The following TARBP1 variants were observed in gnomAD, a reference collection of about 807,000 sequenced individuals.
TARBP1 encodes tRNA guanosine 2 -O-methyltransferase TARBP1.
A neutral mutation model predicts 178.6 loss-of-function variants in TARBP1; 144 were observed. That is an observed-to-expected ratio of 0.81 (90% CI 0.70 to 0.93). The LOEUF is 0.93. TARBP1 is among the 40% of genes least tolerant of loss of function. The pLI, the probability that TARBP1 is intolerant of heterozygous loss-of-function variation, is 0.00. For missense variants in TARBP1, 2,067 were observed against 2,011.7 expected, an observed-to-expected ratio of 1.03 and a Z score of -0.53; for synonymous variants, 787 against 781.0, an observed-to-expected ratio of 1.01 and a Z score of -0.13.
intron 22 of TARBP1, among the ~76,000 whole-genome samples, chr1:234,415,909 T>C (rs1662365035): frequency 6.6e-6 from 1 of 152,210 alleles, no homozygotes; most frequent in South Asian, 2.1e-4. Flanking sequence ...TACTCCCCTC[T>C]TCCCCACTAC....
chr1:234,465,595 G>T, intron 5 of TARBP1, 61 bp downstream of exon 5: 1 of 1,426,716 alleles, frequency 7.0e-7, no homozygotes, highest in Non-Finnish European at 9.4e-7. Flanking sequence ...GAAACAATCT[G>T]GTCATGTCTC....
At chr1:234,466,536 T>C (rs369364016) in intron 4 of TARBP1, among the ~76,000 whole-genome samples, 1 of 147,728 alleles carries the variant, frequency 6.8e-6, no homozygotes, top group African/African-American at 2.5e-5. Flanking sequence ...TATATCACTA[T>C]CTGAGAAATA....
At chr1:234,396,757 T>C (rs759593034) in intron 26 of TARBP1, among the ~76,000 whole-genome samples, 10 of 151,876 alleles carry the variant, frequency 6.6e-5, no homozygotes, top group South Asian at 2.1e-4. Flanking sequence ...AGACCCATAA[T>C]TGGCCTTTAA....
chr1:234,478,857 C>A lies in TARBP1; in HGVS notation c.247G>T (p.Gly83Cys). 7.9e-7 allele frequency: 1 copy of A among 1,265,162 alleles called. No individual in the cohort carries two copies. The highest frequency in any genetic ancestry group is 9.9e-7 in the Non-Finnish European group (1 of 1,009,622). 78.4% of individuals were successfully genotyped at this position (1,265,162 alleles called of 1,614,324 possible). ...CGAGGCTGCAGACTGGGGTCCGGGC[C>A]GCCCGCGGGGCGTCCGCGCAGGCTC... ...LRSLRGRPAGGPDPSLQPRHR... is the reference protein window; with the variant it reads ...LRSLRGRPAGCPDPSLQPRHR... The change falls in exon 1 of 30, where the codon GGC (glycine) becomes TGC (cysteine). Residue 83 changes from glycine to cysteine, a missense_variant. By Grantham distance (159) the Gly-to-Cys change is radical. Transcript: ENST00000040877.
chr1:234,479,031 G>C lies in TARBP1; in HGVS notation c.73C>G (p.Gln25Glu), dbSNP rs746141862. 7 of 1,534,000 alleles carry C rather than the reference G, an allele frequency of 4.6e-6. No individual in the cohort carries two copies. The East Asian group carries it at 1.6e-4, about 35-fold the overall frequency. The change falls in exon 1 of 30, where the codon CAA (glutamine) becomes GAA (glutamate). Residue 25 changes from glutamine to glutamate, a missense_variant. Physicochemically the swap from Gln to Glu is conservative, Grantham distance 29. Coordinates refer to ENST00000040877, the MANE Select transcript of TARBP1 (RefSeq NM_005646.4). ...ACGCGCTCCGCGGATGCCTCCCCTT[G>C]GCACAGCGCCCCAAGCAGGGCCCGG... Reference protein sequence around the residue: ...DPRALLGALCQGEASAERVET... With the variant: ...DPRALLGALCEGEASAERVET...
chr1:234,427,641 A>G lies in TARBP1; in HGVS notation c.3186T>C (p.Ala1062=). The G allele has an allele frequency of 6.3e-7, 1 of 1,598,720 alleles. No homozygotes were observed. Among genetic ancestry groups the G allele is most frequent in the Non-Finnish European group, 8.5e-7 (1 of 1,175,976 alleles). The change falls in exon 18 of 30, where the codon GCT becomes GCC. Residue 1062 remains alanine, a synonymous_variant. Transcript: ENST00000040877. ...SNVSQGSLSS[A]KNYSELILEA... The stretch of plus-strand genomic sequence containing the variant: ...CAAGGATAAGTTCGCTATAATTTTT[A>G]GCACTTGATAAAGATCCTTGGGACA...
intron 12 of TARBP1, among the ~76,000 whole-genome samples, chr1:234,440,635 A>G (rs1002837488): frequency 2.6e-5 from 4 of 152,194 alleles, no homozygotes; most frequent in African/African-American, 9.6e-5. Flanking sequence ...TACAAAGAAA[A>G]TCCCAAGGAA....
At chr1:234,406,420 G>A (rs1661252993) in intron 23 of TARBP1, 1 of 221,854 alleles carries the variant, frequency 4.5e-6, no homozygotes, top group African/African-American at 2.3e-5. Context: ...CAACCAAAAT[G>A]TTTTTCAAAT....
chr1:234,401,991 T>A (rs533335731), intron 24 of TARBP1, among the ~76,000 whole-genome samples: 12 of 152,302 alleles, frequency 7.9e-5, no homozygotes, highest in African/African-American at 2.6e-4. Flanking sequence ...CCGCAACAGA[T>A]CCCATTCCCC....
At chr1:234,402,621 C>T (rs1272856924) in intron 24 of TARBP1, among the ~76,000 whole-genome samples, 2 of 151,894 alleles carry the variant, frequency 1.3e-5, no homozygotes, top group Admixed American at 6.6e-5. Context: ...GGTTGCCAGG[C>T]TGGAGTGCAG....
chr1:234,474,361 G>C (rs994926327), intron 1 of TARBP1, among the ~76,000 whole-genome samples: 2 of 148,808 alleles, frequency 1.3e-5, no homozygotes, highest in African/African-American at 2.5e-5. Flanking sequence ...ATGCTTTCAA[G>C]AAAGTCCAGG....
intron 11 of TARBP1, 88 bp downstream of exon 11, chr1:234,448,392 G>A (rs1057513309): frequency 3.7e-5 from 42 of 1,147,814 alleles, no homozygotes; most frequent in Middle Eastern, 3.9e-4. Flanking sequence ...GGTCAACTAA[G>A]TTCAATCATT....
At chr1:234,429,749 T>A in intron 15 of TARBP1, 72 bp from the exon 16 acceptor site, 1 of 912,610 alleles carries the variant, frequency 1.1e-6, no homozygotes, top group Non-Finnish European at 1.5e-6. Context: ...CGTAGCACAC[T>A]ATCCTTTCTA....
chr1:234,430,378 G>A (rs577076301), intron 14 of TARBP1, 77 bp from the exon 15 acceptor site: 60 of 1,352,092 alleles, frequency 4.4e-5, no homozygotes, highest in Non-Finnish European at 5.9e-5. Context: ...GCCAGTCTAT[G>A]GAAAGCTCAA....
chr1:234,460,089 T>C (rs1190957481), intron 7 of TARBP1, among the ~76,000 whole-genome samples, 172 bp downstream of exon 7: 1 of 152,204 alleles, frequency 6.6e-6, no homozygotes, highest in Non-Finnish European at 1.5e-5. Flanking sequence ...AGTTCAACTA[T>C]ACGAATAATA....
In TARBP1 at chr1:234,401,178, C is replaced by A; in HGVS notation, c.4071+3G>T. 2 of 1,607,954 alleles carry A rather than the reference C, an allele frequency of 1.2e-6. No individual in the cohort carries two copies. The highest frequency in any genetic ancestry group is 2.2e-5 in the South Asian group (2 of 90,586). ...GAATTTACAAATGATATTCTCTACT[C>A]ACCTCTAGACAATAATCCTTGAGTG... On this transcript the variant is annotated splice_donor_region_variant and intron_variant, in intron 25 of 29. Transcript: ENST00000040877.
chr1:234,478,286 A>G lies in TARBP1; in HGVS notation c.818T>C (p.Leu273Pro), dbSNP rs1474781219. 2 of 1,577,320 alleles carry G rather than the reference A, an allele frequency of 1.3e-6. No individual in the cohort carries two copies. Among genetic ancestry groups the G allele is most frequent in the East Asian group, 2.3e-5 (1 of 43,050 alleles). The change falls in exon 1 of 30, where the codon CTG (leucine) becomes CCG (proline). Residue 273 changes from leucine to proline, a missense_variant. By Grantham distance (98) the Leu-to-Pro change is moderately conservative. Transcript: ENST00000040877. ...WRFWRTVQAG[L>P]GQADALTRKR... is the part of the protein sequence containing the mutation. The stretch of plus-strand genomic sequence containing the variant: ...GCGCGTCAGGGCGTCCGCCTGGCCC[A>G]GCCCCGCCTGCACCGTCCTCCAGAA...
At chr1:234,476,009 G>A (rs770150604) in intron 1 of TARBP1, among the ~76,000 whole-genome samples, 1 of 141,534 alleles carries the variant, frequency 7.1e-6, no homozygotes, top group Non-Finnish European at 1.6e-5. Flanking sequence ...CATCTCTACT[G>A]TTATTATAGT....
rs1404227962 is a variant in TARBP1, at chr1:234,457,773, A to G, written c.1633-17T>C. ...CACTTTCTCCTGGGCAGGGCAGGAA[A>G]GGTTTTAAAAATTACTCGTATTAAA... On this transcript the variant is annotated splice_polypyrimidine_tract_variant and intron_variant, in intron 8 of 29. Coordinates refer to ENST00000040877, the MANE Select transcript of TARBP1 (RefSeq NM_005646.4). 6.3e-7 allele frequency: 1 copy of G among 1,583,218 alleles called. No homozygotes were observed. The highest frequency in any genetic ancestry group is 1.4e-5 in the African/African-American group (1 of 73,686).
Sources: gnomAD v4.1 joint callset for allele counts (sites outside exome capture counted in the v4.1 genomes callset) on GRCh38, gnomAD v4.1.1 for gene constraint, MANE v1.5 for transcripts, NCBI Gene and HGNC (gene_info 2026-07-23, HGNC 2026-07-21) for gene names.